Variants in FER observed in about 807,000 individuals in gnomAD.
FER encodes the protein FER tyrosine kinase.
A neutral mutation model predicts 111.0 loss-of-function variants in FER; 63 were observed. That is an observed-to-expected ratio of 0.57 (90% CI 0.46 to 0.70). The LOEUF (loss-of-function observed/expected upper bound fraction) is 0.70, where lower values mean the gene tolerates loss of function less well. FER is among the 30% of genes least tolerant of loss of function. FER has a pLI of 0.00. For missense variants in FER, 914 were observed against 954.0 expected, an observed-to-expected ratio of 0.96 and a Z score of 0.55; for synonymous variants, 327 against 313.9, an observed-to-expected ratio of 1.04 and a Z score of -0.44.
intron 13 of FER, among the ~76,000 whole-genome samples, chr5:108,970,983 A>G (rs1760569615): frequency 6.6e-6 from 1 of 152,178 alleles, no homozygotes; most frequent in Non-Finnish European, 1.5e-5. Context: ...TGATGGTGAT[A>G]CCACATACTT....
At position 108,909,492 on chromosome 5, in the gene FER, A is replaced by G. The variant is rs559421129; in HGVS notation, c.1236+11644A>G. Among the ~76,000 whole-genome samples, 11 of 152,300 alleles carry G rather than the reference A, an allele frequency of 7.2e-5. No individual in the cohort carries two copies. In the East Asian group the frequency reaches 2.1e-3, roughly 29 times the overall value. On this transcript the variant is annotated intron_variant, in intron 10 of 19. Coordinates refer to ENST00000281092, the MANE Select transcript of FER (RefSeq NM_005246.4). ...ATTCTCAAGGTTGTGTAAAAAAATC[A>G]TTTGTTCCTTGGAAGGAGAAACAAC... is the stretch of plus-strand genomic sequence containing the variant.
At chr5:108,953,502 C>CT (rs1323143688) in intron 11 of FER, among the ~76,000 whole-genome samples, 1 of 151,920 alleles carries the variant, frequency 6.6e-6, no homozygotes, top group African/African-American at 2.4e-5. Context: ...CTGTTTGGGA[C>CT]TTTTCAAGTT....
chr5:108,962,036 A>T (rs1759215901), intron 13 of FER, among the ~76,000 whole-genome samples: 1 of 152,148 alleles, frequency 6.6e-6, no homozygotes. Context: ...TATGTTTATC[A>T]TCATAATGCC....
chr5:109,154,487 C>T (rs1755161207), intron 17 of FER, among the ~76,000 whole-genome samples: 1 of 151,762 alleles, frequency 6.6e-6, no homozygotes, highest in African/African-American at 2.4e-5. Flanking sequence ...GAAACCAAAT[C>T]CATGCCTGTA....
intron 10 of FER, among the ~76,000 whole-genome samples, chr5:108,915,566 G>A (rs775312637): frequency 4.6e-5 from 7 of 150,806 alleles, no homozygotes; most frequent in African/African-American, 9.8e-5. Flanking sequence ...GAGCCTGAGC[G>A]TTGTTCTTAT....
At chr5:109,035,507 T>G (rs541178892) in intron 13 of FER, among the ~76,000 whole-genome samples, 1 of 152,332 alleles carries the variant, frequency 6.6e-6, no homozygotes, top group South Asian at 2.1e-4. Flanking sequence ...GTTCCCTGAA[T>G]GTACCAAAAT....
At chr5:109,112,118 AACCT>A (rs1193962685) in intron 17 of FER, among the ~76,000 whole-genome samples, 1 of 152,176 alleles carries the variant, frequency 6.6e-6, no homozygotes, top group Non-Finnish European at 1.5e-5. Context: ...TTATAATGTT[AACCT>A]ACCTCACAGT....
chr5:109,074,757 G>A (rs543521947), intron 16 of FER, among the ~76,000 whole-genome samples: 19 of 152,244 alleles, frequency 1.2e-4, no homozygotes, highest in Admixed American at 5.9e-4. Context: ...TCGCTTTTGC[G>A]AAAGCAGAGT....
At chr5:108,764,191 C>G (rs1488153941) in intron 1 of FER, among the ~76,000 whole-genome samples, 1 of 151,910 alleles carries the variant, frequency 6.6e-6, no homozygotes, top group African/African-American at 2.4e-5. Flanking sequence ...ATGCTGCTAC[C>G]AACAGAAGGG....
At chr5:108,886,288 G>A (rs1221978885) in intron 9 of FER, among the ~76,000 whole-genome samples, 9 of 151,402 alleles carry the variant, frequency 5.9e-5, no homozygotes, top group Non-Finnish European at 1.2e-4. Context: ...TATTTATCAG[G>A]ATATGAGAAT....
chr5:108,993,023 C>T (rs1267801218), intron 13 of FER, among the ~76,000 whole-genome samples: 43 of 150,902 alleles, frequency 2.8e-4, no homozygotes, highest in Non-Finnish European at 5.8e-4. Flanking sequence ...GATGGGATGG[C>T]GGCCGGGCAG....
At chr5:109,062,022 T>TTTGCTTGTTTGC (rs1774479096) in intron 16 of FER, among the ~76,000 whole-genome samples, 1 of 150,536 alleles carries the variant, frequency 6.6e-6, no homozygotes, top group Non-Finnish European at 1.5e-5. Flanking sequence ...TTATGAATAC[T>TTTGCTTGTTTGC]TTGCTTGCTT....
In FER at chr5:108,921,572, C is replaced by T. The variant is rs1046859514; in HGVS notation, c.1236+23724C>T. 5.9e-5 allele frequency among the ~76,000 whole-genome samples: 9 copies of T among 152,056 alleles called. 1 individual carries two copies. The highest frequency in any genetic ancestry group is 7.2e-5 in the African/African-American group (3 of 41,418). On this transcript the variant is annotated intron_variant, in intron 10 of 19. Coordinates refer to ENST00000281092, the MANE Select transcript of FER (RefSeq NM_005246.4). The stretch of plus-strand genomic sequence containing the variant: ...ATCAAATATTTATGTAAAATAATCT[C>T]CTAGGGGATAGGGAACATATCAGTG...
At chr5:109,120,412 G>A (rs559167198) in intron 17 of FER, among the ~76,000 whole-genome samples, 2 of 152,150 alleles carry the variant, frequency 1.3e-5, no homozygotes, top group East Asian at 3.9e-4. Context: ...CACTGTAGAT[G>A]TATGGATTTG....
chr5:109,013,920 G>A (rs1450127930), intron 13 of FER, among the ~76,000 whole-genome samples: 1 of 152,100 alleles, frequency 6.6e-6, no homozygotes, highest in Non-Finnish European at 1.5e-5. Flanking sequence ...CCCACTTTTT[G>A]ATGGGGTTGG....
intron 17 of FER, among the ~76,000 whole-genome samples, chr5:109,103,400 G>A (rs1748495278): frequency 6.6e-6 from 1 of 151,888 alleles, no homozygotes; most frequent in Non-Finnish European, 1.5e-5. Context: ...TTGTTTTATT[G>A]TTTTGATATG....
At chr5:109,171,432 C>T (rs1345072217) in intron 17 of FER, among the ~76,000 whole-genome samples, 9 of 152,128 alleles carry the variant, frequency 5.9e-5, no homozygotes. Flanking sequence ...ATTTAGTGTA[C>T]AGATTAGTAT....
intron 3 of FER, among the ~76,000 whole-genome samples, chr5:108,814,934 T>A (rs1217430538): frequency 6.6e-6 from 1 of 152,202 alleles, no homozygotes; most frequent in Non-Finnish European, 1.5e-5. Flanking sequence ...TAGGTAGCTA[T>A]CTTTTTCCCC....
At chr5:108,830,073 G>A (rs931653439) in intron 3 of FER, among the ~76,000 whole-genome samples, 1 of 152,170 alleles carries the variant, frequency 6.6e-6, no homozygotes, top group Non-Finnish European at 1.5e-5. Context: ...AATATTTCTA[G>A]CATTTATTTA....
Sources: gnomAD v4.1 joint callset for allele counts (sites outside exome capture counted in the v4.1 genomes callset) on GRCh38, gnomAD v4.1.1 for gene constraint, MANE v1.5 for transcripts, NCBI Gene and HGNC (gene_info 2026-07-23, HGNC 2026-07-21) for gene names.